The following ITPK1 variants were observed in gnomAD, a reference collection of about 807,000 sequenced individuals.
ITPK1 encodes the protein inositol 1,3,4-trisphosphate 5/6-kinase.
In ITPK1, 21 loss-of-function variants were observed where a neutral mutation model predicts 45.3. That is an observed-to-expected ratio of 0.46 (90% CI 0.33 to 0.67). ITPK1 has a LOEUF of 0.67. Ranked by LOEUF, ITPK1 falls within the 30% of genes least tolerant of loss-of-function variation. The pLI is 0.02. For missense variants in ITPK1, 474 were observed against 573.5 expected, an observed-to-expected ratio of 0.83 and a Z score of 1.77; for synonymous variants, 258 against 253.6, an observed-to-expected ratio of 1.02 and a Z score of -0.16.
At chr14:93,007,075 AGGGGTC>A (rs144656828) in intron 4 of ITPK1, among the ~76,000 whole-genome samples, 2,312 of 152,290 alleles carry the variant, frequency 0.015, 60 homozygotes, top group African/African-American at 0.053. Flanking sequence ...TGGAGCTGGA[AGGGGTC>A]GGTCATCTGG....
At chr14:93,006,297 C>A (rs1379082233) in intron 4 of ITPK1, among the ~76,000 whole-genome samples, 1 of 152,220 alleles carries the variant, frequency 6.6e-6, no homozygotes, top group African/African-American at 2.4e-5. Context: ...CAGACGCCAA[C>A]AACAACCCAT....
At chr14:92,994,293 A>G (rs1886941044) in intron 4 of ITPK1, among the ~76,000 whole-genome samples, 1 of 151,950 alleles carries the variant, frequency 6.6e-6, no homozygotes, top group African/African-American at 2.4e-5. Flanking sequence ...AAGCAGATCC[A>G]CTCCAGGCAC....
At chr14:93,051,897 T>C (rs930883734) in intron 3 of ITPK1, among the ~76,000 whole-genome samples, 2 of 152,256 alleles carry the variant, frequency 1.3e-5, no homozygotes, top group African/African-American at 4.8e-5. Context: ...CTGCAGTTTT[T>C]GGCTAAGAAA....
At chr14:93,104,945 A>G (rs992342885) in intron 2 of ITPK1, among the ~76,000 whole-genome samples, 1 of 152,210 alleles carries the variant, frequency 6.6e-6, no homozygotes, top group African/African-American at 2.4e-5. Flanking sequence ...GGAAAACGCC[A>G]CAAGTGTCTA....
At chr14:93,026,485 G>C (rs1888732664) in intron 3 of ITPK1, among the ~76,000 whole-genome samples, 1 of 152,198 alleles carries the variant, frequency 6.6e-6, no homozygotes, top group Non-Finnish European at 1.5e-5. Flanking sequence ...GTGAAAGTCA[G>C]AGAGACGGAT....
chr14:93,026,809 A>G (rs1888757653), intron 3 of ITPK1, among the ~76,000 whole-genome samples: 1 of 152,224 alleles, frequency 6.6e-6, no homozygotes, highest in Non-Finnish European at 1.5e-5. Flanking sequence ...TGACGTGGAA[A>G]GATCTCCAAG....
At position 92,939,669 on chromosome 14, in the gene ITPK1, C is replaced by T. The variant is rs760508618; in HGVS notation, c.*1892G>A. 20 of 985,102 alleles carry T rather than the reference C, an allele frequency of 2.0e-5. No homozygotes were observed. Among genetic ancestry groups the T allele is most frequent in the Middle Eastern group, 5.2e-4 (1 of 1,938 alleles). The allele number at this position is 985,102 out of a possible 1,614,324, so 61.0% of individuals were successfully genotyped here. A position where few individuals can be genotyped will look rare whatever the true frequency, so the allele number is the denominator to read the frequency against. On this transcript the variant is annotated 3_prime_UTR_variant, in exon 11 of 11. Transcript: ENST00000267615. ...AGTTACTCGGTATCTGGGCCCTGGA[C>T]GCGCAAGACCCCGGAGGCCACAAAC...
intron 2 of ITPK1, among the ~76,000 whole-genome samples, chr14:93,089,927 A>C (rs1468129130): frequency 6.6e-6 from 1 of 152,194 alleles, no homozygotes; most frequent in Non-Finnish European, 1.5e-5. Flanking sequence ...AAATGTCAAA[A>C]GAAGGATGCA....
rs1846429711 is a variant in ITPK1, at chr14:92,940,679, C to T, written c.*882G>A. The T allele has an allele frequency of 7.8e-7, 1 of 1,280,606 alleles. No individual in the cohort carries two copies. The highest frequency in any genetic ancestry group is 1.0e-6 in the Non-Finnish European group (1 of 984,762). 79.3% of individuals were successfully genotyped at this position (1,280,606 alleles called of 1,614,324 possible). A position where few individuals can be genotyped will look rare whatever the true frequency, so the allele number is the denominator to read the frequency against. ...CCAGGGGTTAGGGCACAAAGCCAGC[C>T]CTGTGGTGCTCTCTGATCTCAAATG... On this transcript the variant is annotated 3_prime_UTR_variant, in exon 11 of 11. Transcript: ENST00000267615.
chr14:92,951,891 C>T (rs1887969074), intron 9 of ITPK1, 55 bp downstream of exon 9: 1 of 1,415,644 alleles, frequency 7.1e-7, no homozygotes, highest in Admixed American at 2.0e-5. Flanking sequence ...GCAGCCCACA[C>T]CTAGGCCCAC....
At chr14:93,070,095 C>T (rs1890930304) in intron 3 of ITPK1, 2 of 152,332 alleles carry the variant, frequency 1.3e-5, no homozygotes, top group African/African-American at 2.4e-5. Context: ...ACTTTAAAGT[C>T]AAACCTCGAG....
rs1257772931 is a variant in ITPK1 at position 92,958,200 on chromosome 14, C to G, written c.670+1G>C. On this transcript the variant is annotated splice_donor_variant, in intron 8 of 10. Coordinates refer to ENST00000267615, the MANE Select transcript of ITPK1 (RefSeq NM_014216.6). LOFTEE classifies it high-confidence loss of function. This position sits in a 1 kb window ranked among gnomAD's most constrained non-coding sequence, Gnocchi z 4.4. ...CCCAAGATGGTGAGAAGAGCAGTTA[C>G]CTGATGTGCCTGCGGAGAAGTTCTT... 6.2e-7 allele frequency: 1 copy of G among 1,613,968 alleles called. No individual in the cohort carries two copies. The highest frequency in any genetic ancestry group is 8.5e-7 in the Non-Finnish European group (1 of 1,179,996).
At chr14:93,044,655 C>A (rs1595164826) in intron 3 of ITPK1, among the ~76,000 whole-genome samples, 1 of 152,218 alleles carries the variant, frequency 6.6e-6, no homozygotes, top group East Asian at 1.9e-4. Context: ...AACCATCACC[C>A]AACCCTGTGG....
chr14:92,957,086 A>G (rs3783921), intron 8 of ITPK1, among the ~76,000 whole-genome samples: 38,040 of 152,228 alleles, frequency 0.25, 5,870 homozygotes, highest in African/African-American at 0.44. Flanking sequence ...CTGAGAGGGC[A>G]ACCGCAGCAC....
intron 2 of ITPK1, among the ~76,000 whole-genome samples, chr14:93,112,952 C>T (rs527848317): frequency 2.6e-5 from 4 of 152,198 alleles, no homozygotes; most frequent in African/African-American, 9.7e-5. Context: ...ACTGGCTCAA[C>T]AGTTGCAGCA....
chr14:93,090,204 C>A (rs756299294), intron 2 of ITPK1, among the ~76,000 whole-genome samples: 9 of 152,126 alleles, frequency 5.9e-5, no homozygotes, highest in Non-Finnish European at 1.3e-4. Flanking sequence ...CTGTTCCTAG[C>A]ACACCGGGCT....
intron 5 of ITPK1, among the ~76,000 whole-genome samples, chr14:92,982,087 A>G (rs1305752496): frequency 1.3e-5 from 2 of 152,266 alleles, no homozygotes; most frequent in African/African-American, 4.8e-5. Flanking sequence ...GACACCCAGC[A>G]CAGGTGACAG....
rs547974263 is a variant in ITPK1 at position 92,937,653 on chromosome 14, C to T, written c.*3908G>A. The T allele has an allele frequency of 1.3e-5, 2 of 152,596 alleles. No individual in the cohort carries two copies. The highest frequency in any genetic ancestry group is 2.1e-4 in the South Asian group (1 of 4,838). 9.5% of individuals were successfully genotyped at this position (152,596 alleles called of 1,614,324 possible). A position where few individuals can be genotyped will look rare whatever the true frequency, so the allele number is the denominator to read the frequency against. ...CAGAGAGAAGGTACACAGCACAGAC[C>T]CTTTCTCACAAGGGGAGGACCCATG... On this transcript the variant is annotated 3_prime_UTR_variant, in exon 11 of 11. Coordinates refer to ENST00000267615, the MANE Select transcript of ITPK1 (RefSeq NM_014216.6).
Position 93,036,219 on chromosome 14 carries a change from C to T in ITPK1, c.121-19418G>A, listed in dbSNP as rs1412776214. Among the ~76,000 whole-genome samples the T allele has an allele frequency of 2.0e-5, 3 of 152,166 alleles. No homozygotes were observed. Among genetic ancestry groups the T allele is most frequent in the Admixed American group, 6.5e-5 (1 of 15,284 alleles). The stretch of plus-strand genomic sequence containing the variant: ...GCCACAACCGGAGGGACACTGTCCC[C>T]GTCCTACTGGGAAGGGCCGCTCCTA... On this transcript the variant is annotated intron_variant, in intron 3 of 10. Transcript: ENST00000267615. The surrounding 1 kb of genome is among the most constrained non-coding windows in gnomAD (Gnocchi z 4.1).
Sources: allele counts gnomAD v4.1 joint callset (sites outside exome capture counted in the v4.1 genomes callset), GRCh38; gene constraint gnomAD v4.1.1; non-coding constraint Gnocchi (gnomAD v3.1); transcripts MANE v1.5; gene names NCBI Gene and HGNC (gene_info 2026-07-23, HGNC 2026-07-21).